EYS: variants seen among roughly 807,000 people sequenced by gnomAD.
EYS encodes EGF-like photoreceptor maintenance factor.
EYS carries 250 observed loss-of-function variants against 282.1 expected under a neutral mutation model. The observed-to-expected ratio is 0.89, with a 90% confidence interval of 0.80 to 0.98. The LOEUF is 0.98. Among genes scored for constraint, EYS ranks in the 50% least tolerant of loss-of-function variants. The pLI is 0.00. For missense variants in EYS, 4,016 were observed against 3,709.0 expected (o/e 1.08, Z -2.15); for synonymous variants, 1,355 against 1,282.9 (o/e 1.06, Z -1.20).
In EYS at chr6:65,689,344, A is replaced by C. The variant is rs13211509; in HGVS notation, c.-448+17791T>G. On this transcript the variant is annotated intron_variant, in intron 1 of 42. Coordinates refer to ENST00000503581, the MANE Select transcript of EYS (RefSeq NM_001142800.2). The stretch of plus-strand genomic sequence containing the variant: ...AACAATGAGAACACATGGACACAAG[A>C]AGGGGAACATCACACACTGGGGCCT... 2.7e-5 allele frequency among the ~76,000 whole-genome samples: 4 copies of C among 148,756 alleles called. 1 individual carries two copies. The highest frequency in any genetic ancestry group is 4.5e-5 in the Non-Finnish European group (3 of 67,384).
In EYS at chr6:64,077,992, G is replaced by A. The variant is rs554568639; in HGVS notation, c.6571+3864C>T. Among the ~76,000 whole-genome samples the A allele has an allele frequency of 6.6e-5, 10 of 151,826 alleles. No homozygotes were observed. The South Asian group carries it at 1.0e-3, about 16-fold the overall frequency. ...GCTATCCTTTCTAAGGATTTTTACC[G>A]TAACCCCGTAAGGATTCAAGTTTTA... On this transcript the variant is annotated intron_variant, in intron 32 of 42. Coordinates refer to ENST00000503581, the MANE Select transcript of EYS (RefSeq NM_001142800.2).
chr6:65,084,460 C>T (rs976971218), intron 12 of EYS, among the ~76,000 whole-genome samples: 4 of 152,096 alleles, frequency 2.6e-5, no homozygotes, highest in Admixed American at 6.6e-5. Flanking sequence ...ACAGTAAATG[C>T]TACTCCAAGA....
At chr6:65,386,750 A>G (rs1336236986) in intron 7 of EYS, among the ~76,000 whole-genome samples, 2 of 152,008 alleles carry the variant, frequency 1.3e-5, no homozygotes, top group South Asian at 4.1e-4. Flanking sequence ...CTAGGTGTCC[A>G]GCAGCCATTT....
At chr6:65,635,318 G>A (rs1482186155) in intron 2 of EYS, among the ~76,000 whole-genome samples, 2 of 152,072 alleles carry the variant, frequency 1.3e-5, no homozygotes, top group African/African-American at 4.8e-5. Context: ...GGAGCCCAAA[G>A]CAGGGTTTAA....
At chr6:64,027,998 T>C (rs59239912) in intron 33 of EYS, among the ~76,000 whole-genome samples, 4,303 of 152,332 alleles carry the variant, frequency 0.028, 193 homozygotes, top group African/African-American at 0.097. Flanking sequence ...TGGGACAGCC[T>C]GTAACCAGGT....
intron 22 of EYS, among the ~76,000 whole-genome samples, chr6:64,737,571 T>C (rs1772223538): frequency 6.6e-6 from 1 of 152,244 alleles, no homozygotes; most frequent in South Asian, 2.1e-4. Context: ...CATTTTCTGC[T>C]GTCACCATCT....
chr6:64,274,724 G>T (rs1312040827), intron 30 of EYS, among the ~76,000 whole-genome samples: 2 of 151,806 alleles, frequency 1.3e-5, no homozygotes, highest in African/African-American at 2.4e-5. Context: ...ACATTAGTAC[G>T]GTGTCTTTGT....
At chr6:64,427,739 C>A (rs1582740288) in intron 28 of EYS, among the ~76,000 whole-genome samples, 1 of 151,958 alleles carries the variant, frequency 6.6e-6, no homozygotes, top group Non-Finnish European at 1.5e-5. Context: ...ATGAAAGCAA[C>A]CATTATGTAT....
chr6:65,075,875 C>T (rs1016475069), intron 12 of EYS, among the ~76,000 whole-genome samples: 2 of 151,794 alleles, frequency 1.3e-5, no homozygotes, highest in East Asian at 1.9e-4. Flanking sequence ...CTGATTATTT[C>T]CTGGCAGGCA....
intron 12 of EYS, among the ~76,000 whole-genome samples, chr6:65,179,666 A>T (rs1765323369): frequency 6.6e-6 from 1 of 152,162 alleles, no homozygotes; most frequent in East Asian, 1.9e-4. Context: ...AAACTATTCC[A>T]ATCATTAGAA....
At chr6:64,809,614 A>G (rs750219095) in intron 22 of EYS, among the ~76,000 whole-genome samples, 6 of 152,092 alleles carry the variant, frequency 3.9e-5, no homozygotes, top group Non-Finnish European at 8.8e-5. Context: ...TGGTACATAT[A>G]CACCACACCA....
At chr6:64,692,207 A>G (rs1221667093) in intron 22 of EYS, among the ~76,000 whole-genome samples, 1 of 152,128 alleles carries the variant, frequency 6.6e-6, no homozygotes, top group East Asian at 1.9e-4. Flanking sequence ...ATGTGAGATA[A>G]TATCTCACTG....
intron 12 of EYS, among the ~76,000 whole-genome samples, chr6:65,258,182 C>A (rs949739891): frequency 5.3e-5 from 8 of 151,148 alleles, no homozygotes; most frequent in African/African-American, 1.5e-4. Flanking sequence ...GTTAAAAATG[C>A]GAAGATATTA....
chr6:64,917,371 C>T (rs1305235214), intron 15 of EYS, among the ~76,000 whole-genome samples: 2 of 152,048 alleles, frequency 1.3e-5, no homozygotes, highest in Admixed American at 1.3e-4. Flanking sequence ...AAGGATCGTT[C>T]AGCAATATGT....
At chr6:65,110,236 G>T (rs1775176513) in intron 12 of EYS, among the ~76,000 whole-genome samples, 2 of 152,038 alleles carry the variant, frequency 1.3e-5, no homozygotes, top group Middle Eastern at 6.8e-3. Context: ...CGTTTACATT[G>T]TTCATTCATT....
At chr6:63,864,415 CATACACATAT>C in intron 35 of EYS, 57 bp from the exon 36 acceptor site, 2 of 1,337,792 alleles carry the variant, frequency 1.5e-6, no homozygotes, top group Non-Finnish European at 2.1e-6. Flanking sequence ...TTTCTACACA[CATACACATAT>C]ATACACATGC....
At chr6:64,493,520 TG>T (rs1407988329) in intron 26 of EYS, among the ~76,000 whole-genome samples, 1 of 151,600 alleles carries the variant, frequency 6.6e-6, no homozygotes, top group Non-Finnish European at 1.5e-5. Flanking sequence ...TACATATAGA[TG>T]ATCAATTTTC....
At chr6:65,417,977 C>T (rs1207972969) in intron 5 of EYS, among the ~76,000 whole-genome samples, 1 of 151,966 alleles carries the variant, frequency 6.6e-6, no homozygotes, top group African/African-American at 2.4e-5. Flanking sequence ...AATCCATTCA[C>T]ATCTCTTAAT....
chr6:64,749,517 T>C (rs776432225), intron 22 of EYS, among the ~76,000 whole-genome samples: 2 of 152,220 alleles, frequency 1.3e-5, no homozygotes, highest in Non-Finnish European at 2.9e-5. Context: ...CTGCAAAGTA[T>C]AGGTCACATA....
Sources: allele counts gnomAD v4.1 joint callset (sites outside exome capture counted in the v4.1 genomes callset), GRCh38; gene constraint gnomAD v4.1.1; transcripts MANE v1.5; gene names NCBI Gene and HGNC (gene_info 2026-07-23, HGNC 2026-07-21).